The following ANKRD6 variants were observed in gnomAD, a reference collection of about 807,000 sequenced individuals.
ANKRD6 encodes the protein ankyrin repeat domain-containing protein 6.
ANKRD6 carries 56 observed loss-of-function variants against 82.3 expected under a neutral mutation model. The observed-to-expected ratio is 0.68, with a 90% CI of 0.55 to 0.85. The LOEUF (loss-of-function observed/expected upper bound fraction) is 0.85, where lower values mean the gene tolerates loss of function less well. Ranked by LOEUF, ANKRD6 falls within the 40% of genes least tolerant of loss-of-function variation. The pLI, the probability that ANKRD6 is intolerant of heterozygous loss-of-function variation, is 0.00. For missense variants in ANKRD6, 852 were observed against 907.6 expected, an observed-to-expected ratio of 0.94 and a Z score of 0.79; for synonymous variants, 347 against 352.1, an observed-to-expected ratio of 0.99 and a Z score of 0.16.
At chr6:89,548,565 C>G (rs900079049) in intron 1 of ANKRD6, among the ~76,000 whole-genome samples, 2 of 152,190 alleles carry the variant, frequency 1.3e-5, no homozygotes, top group Non-Finnish European at 2.9e-5. Flanking sequence ...ATTACTGAGT[C>G]ATATGGTAAC....
chr6:89,622,268 G>A (rs1053736118), intron 10 of ANKRD6, among the ~76,000 whole-genome samples: 6 of 152,232 alleles, frequency 3.9e-5, no homozygotes, highest in African/African-American at 9.6e-5. Context: ...CACGTGGGGG[G>A]CACACTTACC....
chr6:89,621,076 A>G (rs1803103969), intron 9 of ANKRD6: 1 of 152,094 alleles, frequency 6.6e-6, no homozygotes, highest in Admixed American at 6.6e-5. Flanking sequence ...CTCAAAAAAA[A>G]ATAATAATAA....
chr6:89,565,969 G>C (rs1387360348), intron 1 of ANKRD6, among the ~76,000 whole-genome samples: 1 of 152,218 alleles, frequency 6.6e-6, no homozygotes, highest in East Asian at 1.9e-4. Flanking sequence ...GGCAGCCCAG[G>C]TATACTGGGG....
intron 2 of ANKRD6, among the ~76,000 whole-genome samples, chr6:89,585,309 G>T (rs537521309): frequency 2.0e-5 from 3 of 152,116 alleles, no homozygotes; most frequent in Non-Finnish European, 4.4e-5. Flanking sequence ...AACAAGACAG[G>T]GTGTCTGCTC....
intron 1 of ANKRD6, among the ~76,000 whole-genome samples, chr6:89,542,309 A>G (rs973808221): frequency 6.6e-6 from 1 of 152,196 alleles, no homozygotes; most frequent in African/African-American, 2.4e-5. Flanking sequence ...GCAGGAGGAC[A>G]CACTGTCTAG....
Position 89,479,244 on chromosome 6 carries a change from AGAACCACTGG to A in ANKRD6, c.-144+45872_-144+45881del, listed in dbSNP as rs1321871319. ...ATGTATCACTTGAGCTGAATTTTGA[AGAACCACTGG>A]GAGCTTACTTAACTATTTTTCTGTT... On this transcript the variant is annotated intron_variant, in intron 1 of 15. Coordinates refer to ENST00000339746, the MANE Select transcript of ANKRD6 (RefSeq NM_001242809.2). Among the ~76,000 whole-genome samples the A allele has an allele frequency of 3.3e-5, 5 of 152,336 alleles. No homozygotes were observed. In the East Asian group the frequency reaches 9.6e-4, roughly 29 times the overall value.
chr6:89,542,668 C>T (rs950009226), intron 1 of ANKRD6, among the ~76,000 whole-genome samples: 44 of 152,154 alleles, frequency 2.9e-4, no homozygotes, highest in African/African-American at 1.0e-3. Context: ...TTGCAAAACA[C>T]GGTGAAGACA....
intron 1 of ANKRD6, among the ~76,000 whole-genome samples, chr6:89,511,566 C>G (rs1780554336): frequency 6.6e-6 from 1 of 152,156 alleles, no homozygotes; most frequent in Admixed American, 6.5e-5. Flanking sequence ...GTTACTAAAC[C>G]TTTTTGAGCC....
At chr6:89,561,862 C>A (rs1464892934) in intron 1 of ANKRD6, among the ~76,000 whole-genome samples, 1 of 152,208 alleles carries the variant, frequency 6.6e-6, no homozygotes, top group East Asian at 1.9e-4. Context: ...CAGCTATTCT[C>A]CTGCCCTTGG....
At chr6:89,447,272 G>C (rs1353884006) in intron 1 of ANKRD6, among the ~76,000 whole-genome samples, 1 of 151,996 alleles carries the variant, frequency 6.6e-6, no homozygotes, top group Non-Finnish European at 1.5e-5. Flanking sequence ...AGGGAGGGGG[G>C]CCACTCCACT....
At chr6:89,445,215 C>T (rs1020763274) in intron 1 of ANKRD6, among the ~76,000 whole-genome samples, 2 of 135,594 alleles carry the variant, frequency 1.5e-5, no homozygotes, top group African/African-American at 2.8e-5. Flanking sequence ...CACACTTTTT[C>T]TTTATTATTA....
At chr6:89,490,953 G>T (rs1363412799) in intron 1 of ANKRD6, among the ~76,000 whole-genome samples, 1 of 152,146 alleles carries the variant, frequency 6.6e-6, no homozygotes, top group African/African-American at 2.4e-5. Context: ...GTTTGGGTGA[G>T]CCCTAAATCT....
chr6:89,610,041 C>T (rs1799823767), intron 5 of ANKRD6, among the ~76,000 whole-genome samples: 1 of 152,184 alleles, frequency 6.6e-6, no homozygotes, highest in Non-Finnish European at 1.5e-5. Context: ...GATGTAGCAG[C>T]TCCTGTCTGG....
intron 5 of ANKRD6, among the ~76,000 whole-genome samples, chr6:89,607,271 A>G (rs1583696560): frequency 6.6e-6 from 1 of 152,292 alleles, no homozygotes; most frequent in East Asian, 1.9e-4. Context: ...TGGAAAAGAA[A>G]AAAATAAGCA....
chr6:89,524,912 A>G lies in ANKRD6; in HGVS notation c.-143-41922A>G, dbSNP rs142011321. Among the ~76,000 whole-genome samples the G allele has an allele frequency of 8.5e-3, 1,294 of 151,618 alleles. 12 individuals carry two copies. Among genetic ancestry groups the G allele is most frequent in the African/African-American group, 0.023 (953 of 41,318 alleles). On this transcript the variant is annotated intron_variant, in intron 1 of 15. Transcript: ENST00000339746. ...ATTTTTTTTTTTTAATTTTTAAATTATGGCCATTCTTGCAGGAGTAAGGTG... is the reference window on the plus strand; with the variant it reads ...ATTTTTTTTTTTTAATTTTTAAATTGTGGCCATTCTTGCAGGAGTAAGGTG...
intron 14 of ANKRD6, chr6:89,628,132 G>T (rs148291016): frequency 9.6e-4 from 165 of 172,564 alleles, no homozygotes; most frequent in African/African-American, 3.7e-3. Context: ...GGTGGTTTTG[G>T]GGGTTGAGTT....
chr6:89,576,805 G>A (rs977262899), intron 2 of ANKRD6, among the ~76,000 whole-genome samples: 3 of 152,010 alleles, frequency 2.0e-5, no homozygotes, highest in South Asian at 2.1e-4. Flanking sequence ...GGCCCTCTGC[G>A]CTCATCTGCT....
intron 1 of ANKRD6, among the ~76,000 whole-genome samples, chr6:89,493,101 C>A (rs1778195927): frequency 6.6e-6 from 1 of 152,214 alleles, no homozygotes; most frequent in African/African-American, 2.4e-5. Flanking sequence ...GACGTAGACT[C>A]ACACTTCAGT....
At chr6:89,569,204 C>T (rs570815822) in intron 2 of ANKRD6, among the ~76,000 whole-genome samples, 6 of 152,258 alleles carry the variant, frequency 3.9e-5, no homozygotes, top group South Asian at 2.1e-4. Context: ...CATGAGCCAC[C>T]GCGCCTGGCT....
Sources: gnomAD v4.1 joint callset for allele counts (sites outside exome capture counted in the v4.1 genomes callset) on GRCh38, gnomAD v4.1.1 for gene constraint, MANE v1.5 for transcripts, NCBI Gene and HGNC (gene_info 2026-07-23, HGNC 2026-07-21) for gene names.